Variants in LRRC4C observed in about 807,000 individuals in gnomAD.
LRRC4C encodes the protein leucine rich repeat containing 4C.
A neutral mutation model predicts 33.6 loss-of-function variants in LRRC4C; 5 were observed. That is an observed-to-expected ratio of 0.15 (90% CI 0.08 to 0.31). The LOEUF is 0.31. Among genes scored for constraint, LRRC4C ranks in the 10% least tolerant of loss-of-function variants. The pLI is 1.00. For synonymous variants in LRRC4C, 329 were observed against 302.0 expected, an observed-to-expected ratio of 1.09 and a Z score of -0.93; for missense variants, 560 against 796.7, an observed-to-expected ratio of 0.70 and a Z score of 3.58.
At chr11:40,679,434 C>A (rs1455062461) in intron 2 of LRRC4C, among the ~76,000 whole-genome samples, 1 of 152,126 alleles carries the variant, frequency 6.6e-6, no homozygotes, top group Non-Finnish European at 1.5e-5. Context: ...AAAAATGTCT[C>A]CAGGGCATGT....
intron 3 of LRRC4C, among the ~76,000 whole-genome samples, chr11:40,473,616 G>C (rs1177571871): frequency 6.6e-6 from 1 of 152,152 alleles, no homozygotes; most frequent in Non-Finnish European, 1.5e-5. Context: ...AAGTAGGCAA[G>C]AGAAAGAAAT....
chr11:40,466,705 CTT>C (rs1952670067), intron 3 of LRRC4C, among the ~76,000 whole-genome samples: 2 of 151,684 alleles, frequency 1.3e-5, no homozygotes, highest in African/African-American at 4.8e-5. Context: ...GACAAGATAT[CTT>C]TTGTTTTTAT....
chr11:40,154,674 C>G (rs556262235), intron 5 of LRRC4C, among the ~76,000 whole-genome samples: 1 of 152,126 alleles, frequency 6.6e-6, no homozygotes, highest in Non-Finnish European at 1.5e-5. Context: ...AACATATATG[C>G]ACCTAACACT....
At chr11:40,870,963 G>C (rs909185185) in intron 2 of LRRC4C, among the ~76,000 whole-genome samples, 15 of 152,306 alleles carry the variant, frequency 9.8e-5, no homozygotes, top group Middle Eastern at 3.4e-3. Flanking sequence ...CCCTGAGAAA[G>C]AGAATGCTTC....
At chr11:40,820,118 A>T (rs1417801980) in intron 2 of LRRC4C, among the ~76,000 whole-genome samples, 1 of 152,108 alleles carries the variant, frequency 6.6e-6, no homozygotes, top group Non-Finnish European at 1.5e-5. Context: ...AAATATAATG[A>T]AACAGAAAAG....
intron 3 of LRRC4C, among the ~76,000 whole-genome samples, chr11:40,540,564 A>C (rs1956665178): frequency 6.6e-6 from 1 of 152,030 alleles, no homozygotes; most frequent in African/African-American, 2.4e-5. Flanking sequence ...TGCTGCCCTG[A>C]CACCTCCACC....
intron 3 of LRRC4C, among the ~76,000 whole-genome samples, chr11:40,527,098 G>A (rs955466351): frequency 1.3e-5 from 2 of 152,098 alleles, no homozygotes; most frequent in African/African-American, 4.8e-5. Context: ...GATCAATACA[G>A]TCATCACCCT....
At chr11:40,553,129 C>T (rs781216843) in intron 3 of LRRC4C, among the ~76,000 whole-genome samples, 10 of 151,840 alleles carry the variant, frequency 6.6e-5, no homozygotes, top group East Asian at 1.9e-4. Flanking sequence ...AAAATTAGCC[C>T]GGCGTAGTGA....
At chr11:40,699,778 T>TA (rs1356022608) in intron 2 of LRRC4C, among the ~76,000 whole-genome samples, 2 of 152,200 alleles carry the variant, frequency 1.3e-5, no homozygotes, top group African/African-American at 4.8e-5. Flanking sequence ...GACAGTCTAG[T>TA]AAGGAGCTCT....
intron 2 of LRRC4C, among the ~76,000 whole-genome samples, chr11:40,911,244 C>T (rs563341618): frequency 5.9e-5 from 9 of 152,294 alleles, no homozygotes; most frequent in African/African-American, 7.2e-5. Flanking sequence ...GTACAGACTG[C>T]GTCCTCAAGA....
intron 1 of LRRC4C, among the ~76,000 whole-genome samples, chr11:41,152,509 C>T (rs1349345721): frequency 6.6e-6 from 1 of 152,156 alleles, no homozygotes; most frequent in Non-Finnish European, 1.5e-5. Flanking sequence ...TTAGTAACAT[C>T]TTCAGCCACT....
chr11:40,190,919 C>T (rs1861789619), intron 5 of LRRC4C, among the ~76,000 whole-genome samples: 1 of 152,168 alleles, frequency 6.6e-6, no homozygotes, highest in African/African-American at 2.4e-5. Flanking sequence ...GGAAAGCTTA[C>T]AGCAAAGGGA....
chr11:40,838,549 C>T (rs890879559), intron 2 of LRRC4C, among the ~76,000 whole-genome samples: 4 of 152,062 alleles, frequency 2.6e-5, no homozygotes, highest in African/African-American at 9.7e-5. Flanking sequence ...TTTCTGTGTA[C>T]TTGCTATGTG....
intron 1 of LRRC4C, among the ~76,000 whole-genome samples, chr11:40,963,428 A>G (rs1009410155): frequency 5.9e-5 from 9 of 151,764 alleles, no homozygotes; most frequent in African/African-American, 2.2e-4. Flanking sequence ...TTAAACATCA[A>G]TGTGACTATT....
At chr11:40,816,357 C>T (rs1181175094) in intron 2 of LRRC4C, among the ~76,000 whole-genome samples, 1 of 152,172 alleles carries the variant, frequency 6.6e-6, no homozygotes, top group Non-Finnish European at 1.5e-5. Context: ...GTAGAAGGTA[C>T]CCATGAGTAA....
At chr11:40,331,345 A>C (rs1258429610) in intron 3 of LRRC4C, among the ~76,000 whole-genome samples, 3 of 152,230 alleles carry the variant, frequency 2.0e-5, no homozygotes, top group African/African-American at 7.2e-5. Flanking sequence ...TCAAAGTCGT[A>C]TCTGCATTCC....
At chr11:41,134,300 C>T (rs893190105) in intron 1 of LRRC4C, among the ~76,000 whole-genome samples, 1 of 152,072 alleles carries the variant, frequency 6.6e-6, no homozygotes, top group Non-Finnish European at 1.5e-5. Context: ...GACAGACTCT[C>T]TCTGTGCTGA....
intron 1 of LRRC4C, among the ~76,000 whole-genome samples, chr11:41,079,200 T>C (rs531748346): frequency 6.6e-6 from 1 of 152,270 alleles, no homozygotes; most frequent in East Asian, 1.9e-4. Context: ...TAACTGAGGC[T>C]GAAGATAGCC....
chr11:40,598,575 G>A (rs181448884), intron 3 of LRRC4C, among the ~76,000 whole-genome samples: 4 of 152,250 alleles, frequency 2.6e-5, no homozygotes, highest in Non-Finnish European at 5.9e-5. Flanking sequence ...ACTAGCAGGT[G>A]CAATGCTCTG....
Sources: allele counts gnomAD v4.1 joint callset (sites outside exome capture counted in the v4.1 genomes callset), GRCh38; gene constraint gnomAD v4.1.1; transcripts MANE v1.5; gene names NCBI Gene and HGNC (gene_info 2026-07-23, HGNC 2026-07-21).